The following KDM1A variants were observed in gnomAD, a reference collection of about 807,000 sequenced individuals.
The protein encoded by KDM1A is lysine-specific histone demethylase 1A.
A neutral mutation model predicts 109.4 loss-of-function variants in KDM1A; 49 were observed. The ratio of observed to expected loss-of-function variants is 0.45; its 90% CI spans 0.36 to 0.57. The LOEUF is 0.57. Ranked by LOEUF, KDM1A falls within the 20% of genes least tolerant of loss-of-function variation. The pLI, the probability that KDM1A is intolerant of heterozygous loss-of-function variation, is 0.00. For synonymous variants in KDM1A, 380 were observed against 415.4 expected, an observed-to-expected ratio of 0.91 and a Z score of 1.04; for missense variants, 668 against 1,116.6, an observed-to-expected ratio of 0.60 and a Z score of 5.73.
At chr1:23,082,522 A>G in intron 20 of KDM1A, 156 bp downstream of exon 20, 1 of 664,564 alleles carries the variant, frequency 1.5e-6, no homozygotes, top group Admixed American at 3.3e-5. Flanking sequence ...AGCATTTCTG[A>G]TTTCTCATAA....
intron 2 of KDM1A, among the ~76,000 whole-genome samples, chr1:23,040,157 TG>T (rs1202256198): frequency 1.3e-5 from 2 of 152,244 alleles, no homozygotes; most frequent in Non-Finnish European, 2.9e-5. Flanking sequence ...TTTCTTAAAA[TG>T]TTTGTAATTT....
chr1:23,026,516 A>T (rs889100720), intron 1 of KDM1A, among the ~76,000 whole-genome samples: 1 of 150,890 alleles, frequency 6.6e-6, no homozygotes, highest in African/African-American at 2.4e-5. Context: ...TAGCCCCCCC[A>T]AGTAGCTGGA....
At chr1:23,026,024 G>A (rs1641788631) in intron 1 of KDM1A, among the ~76,000 whole-genome samples, 2 of 152,318 alleles carry the variant, frequency 1.3e-5, no homozygotes, top group Middle Eastern at 3.4e-3. Flanking sequence ...CTGGGAGGCA[G>A]AGGTTGCAGT....
At chr1:23,074,288 TTGTC>T (rs781605687) in intron 15 of KDM1A, among the ~76,000 whole-genome samples, 7 of 152,218 alleles carry the variant, frequency 4.6e-5, no homozygotes, top group Non-Finnish European at 1.0e-4. Flanking sequence ...AAAAGTCTGA[TTGTC>T]TGCTTGTTGA....
At chr1:23,053,346 C>T (rs1457420625) in intron 4 of KDM1A, among the ~76,000 whole-genome samples, 3 of 152,040 alleles carry the variant, frequency 2.0e-5, no homozygotes, top group Non-Finnish European at 4.4e-5. Context: ...AAGGAAAGCC[C>T]ATGTTTGGGG....
intron 9 of KDM1A, 126 bp downstream of exon 9, chr1:23,059,293 G>A (rs750791315): frequency 3.0e-5 from 23 of 763,406 alleles, no homozygotes; most frequent in Non-Finnish European, 5.5e-5. Context: ...ATAAACTGAG[G>A]GTAGAGATGA....
chr1:23,039,121 C>G (rs1023766814), intron 2 of KDM1A, among the ~76,000 whole-genome samples: 1 of 152,174 alleles, frequency 6.6e-6, no homozygotes, highest in African/African-American at 2.4e-5. Context: ...CTTTTAGCCC[C>G]ATTCTTACTT....
chr1:23,041,513 G>A (rs183963672), intron 2 of KDM1A, among the ~76,000 whole-genome samples: 142 of 138,008 alleles, frequency 1.0e-3, no homozygotes, highest in African/African-American at 3.6e-3. Flanking sequence ...TGCAATCTCG[G>A]CTCACTGCAA....
intron 10 of KDM1A, among the ~76,000 whole-genome samples, chr1:23,067,262 T>G (rs1272286948): frequency 2.6e-5 from 4 of 152,372 alleles, no homozygotes; most frequent in African/African-American, 9.6e-5. Context: ...TTTAAATCAG[T>G]TATGGTATCT....
Position 23,043,459 on chromosome 1 carries a change from T to G in KDM1A, c.518-968T>G, listed in dbSNP as rs536784308. Among the ~76,000 whole-genome samples the G allele has an allele frequency of 1.3e-3, 201 of 152,342 alleles. 2 individuals carry two copies. The highest frequency in any genetic ancestry group is 4.6e-3 in the African/African-American group (192 of 41,576). ...AACTCAAATGGTGGAATAATCAATC[T>G]GCTTTCTTATTGGGGTACGTATTTT... On this transcript the variant is annotated intron_variant, in intron 2 of 20. Transcript: ENST00000400181.
chr1:23,083,611 T>TAAC lies in KDM1A; in HGVS notation c.*249_*251dup. ...ACTGAGGCAAGCAAGTGCTGTGAAA[T>TAAC]AACATCATCTTAGTCCCTTGGTGTG... On this transcript the variant is annotated 3_prime_UTR_variant, in exon 21 of 21. Transcript: ENST00000400181. 3 of 364,458 alleles carry TAAC rather than the reference T, an allele frequency of 8.2e-6. No individual in the cohort carries two copies. The highest frequency in any genetic ancestry group is 1.5e-5 in the Non-Finnish European group (3 of 201,800). 22.6% of individuals were successfully genotyped at this position (364,458 alleles called of 1,614,324 possible).
At position 23,059,056 on chromosome 1, in the gene KDM1A, C is replaced by T. The variant is rs1301248300; in HGVS notation, c.1073-17C>T. ...TTCATAGGTCTATTGAATTTAATTG[C>T]TTGAGTTTTTTTCTAGGAGGGAATC... On this transcript the variant is annotated splice_polypyrimidine_tract_variant and intron_variant, in intron 8 of 20. Coordinates refer to ENST00000400181, the MANE Select transcript of KDM1A (RefSeq NM_001009999.3). 1 of 1,564,186 alleles carries T rather than the reference C, an allele frequency of 6.4e-7. No individual in the cohort carries two copies. The highest frequency in any genetic ancestry group is 1.2e-5 in the South Asian group (1 of 85,714).
chr1:23,024,553 C>T (rs1342502649), intron 1 of KDM1A, among the ~76,000 whole-genome samples: 1 of 152,156 alleles, frequency 6.6e-6, no homozygotes, highest in East Asian at 1.9e-4. Context: ...AATTGAGTGT[C>T]CCTGAAGCTT....
chr1:23,029,287 T>A (rs926454674), intron 1 of KDM1A, among the ~76,000 whole-genome samples: 3 of 152,250 alleles, frequency 2.0e-5, no homozygotes, highest in African/African-American at 7.2e-5. Context: ...ATGTTGTCTT[T>A]GCTTTTTTTC....
chr1:23,050,284 A>G, intron 3 of KDM1A, 103 bp from the exon 4 acceptor site: 1 of 1,231,928 alleles, frequency 8.1e-7, no homozygotes, highest in Non-Finnish European at 1.1e-6. Context: ...AAAATTTTTT[A>G]AAAAGGTCAG....
At chr1:23,076,888 C>T (rs1031727400) in intron 15 of KDM1A, among the ~76,000 whole-genome samples, 1 of 151,614 alleles carries the variant, frequency 6.6e-6, no homozygotes, top group Non-Finnish European at 1.5e-5. Flanking sequence ...TCACTTGAAC[C>T]CAGGAGTCCG....
At chr1:23,027,030 T>G (rs1641826528) in intron 1 of KDM1A, among the ~76,000 whole-genome samples, 2 of 152,122 alleles carry the variant, frequency 1.3e-5, no homozygotes, top group Non-Finnish European at 2.9e-5. Flanking sequence ...TATTAAATGG[T>G]CACTTCTTGG....
chr1:23,022,335 T>TG (rs55911134), intron 1 of KDM1A, among the ~76,000 whole-genome samples: 99,391 of 150,458 alleles, frequency 0.66, 33,132 homozygotes, highest in East Asian at 0.81. Context: ...TTTTTTTTTT[T>TG]TTGTTGTTGT....
At position 23,055,005 on chromosome 1, in the gene KDM1A, G is replaced by A. The variant is rs905580019; in HGVS notation, c.791-64G>A. The A allele has an allele frequency of 9.1e-5, 91 of 1,001,932 alleles. No individual in the cohort carries two copies. The Admixed American group carries it at 1.8e-3, about 20-fold the overall frequency. 62.1% of individuals were successfully genotyped at this position (1,001,932 alleles called of 1,614,324 possible). On this transcript the variant is annotated intron_variant, in intron 5 of 20. Transcript: ENST00000400181. ...GACTTCATGATGGAGAAATGGAAGAGTTAGAAGAATATTGTTTAAACTGCT... is the reference window on the plus strand; with the variant it reads ...GACTTCATGATGGAGAAATGGAAGAATTAGAAGAATATTGTTTAAACTGCT...
Sources: allele counts gnomAD v4.1 joint callset (sites outside exome capture counted in the v4.1 genomes callset), GRCh38; gene constraint gnomAD v4.1.1; transcripts MANE v1.5; gene names NCBI Gene and HGNC (gene_info 2026-07-23, HGNC 2026-07-21).